CLRN1: variants seen among roughly 807,000 people sequenced by gnomAD.
CLRN1 encodes the protein clarin-1.
CLRN1 carries 15 observed loss-of-function variants against 18.7 expected under a neutral mutation model. The ratio of observed to expected loss-of-function variants is 0.80; its 90% confidence interval spans 0.54 to 1.23. The LOEUF is 1.23. Ranked by LOEUF, CLRN1 falls within the 50% of genes most tolerant of loss-of-function variation. The pLI is 0.00. For missense variants in CLRN1, 311 were observed against 277.5 expected, an observed-to-expected ratio of 1.12 and a Z score of -0.86; for synonymous variants, 104 against 102.9, an observed-to-expected ratio of 1.01 and a Z score of -0.07.
chr3:150,971,026 A>C (rs1488362934), intron 1 of CLRN1, among the ~76,000 whole-genome samples: 1 of 152,202 alleles, frequency 6.6e-6, no homozygotes, highest in Non-Finnish European at 1.5e-5. Flanking sequence ...GAAAATGTAA[A>C]GGCTCCAGAA....
intron 1 of CLRN1, among the ~76,000 whole-genome samples, chr3:150,963,698 T>G (rs1169033147): frequency 6.6e-6 from 1 of 152,190 alleles, no homozygotes; most frequent in South Asian, 2.1e-4. Context: ...AACAGCATGG[T>G]ACTTGTATCA....
intron 2 of CLRN1, among the ~76,000 whole-genome samples, chr3:150,939,929 T>C (rs1559981772): frequency 1.3e-5 from 2 of 152,198 alleles, no homozygotes; most frequent in African/African-American, 4.8e-5. Flanking sequence ...TGGCCTTTGT[T>C]TATGATATTC....
intron 1 of CLRN1, among the ~76,000 whole-genome samples, chr3:150,970,726 A>G (rs1295504563): frequency 6.6e-6 from 1 of 152,148 alleles, no homozygotes; most frequent in African/African-American, 2.4e-5. Context: ...AGCTAATGAA[A>G]TTCTGTGAGA....
intron 1 of CLRN1, among the ~76,000 whole-genome samples, chr3:150,970,090 C>T (rs1715460433): frequency 6.6e-6 from 1 of 152,196 alleles, no homozygotes; most frequent in Non-Finnish European, 1.5e-5. Context: ...GTAAGTTGAG[C>T]TCTGGAAGAA....
At chr3:150,953,296 G>A (rs574233443) in intron 1 of CLRN1, among the ~76,000 whole-genome samples, 2 of 152,226 alleles carry the variant, frequency 1.3e-5, no homozygotes, top group South Asian at 2.1e-4. Flanking sequence ...CCGATGCCAC[G>A]TTAGTAACAT....
At chr3:150,940,715 T>C (rs910151431) in intron 2 of CLRN1, among the ~76,000 whole-genome samples, 6 of 152,222 alleles carry the variant, frequency 3.9e-5, no homozygotes, top group African/African-American at 1.2e-4. Flanking sequence ...CAGCTACATA[T>C]AAATTATACA....
chr3:150,972,306 A>C, intron 1 of CLRN1, 150 bp downstream of exon 1: 1 of 853,602 alleles, frequency 1.2e-6, no homozygotes, highest in South Asian at 1.8e-5. Flanking sequence ...AGGAAGAAGA[A>C]ATTGCTCAGA....
At chr3:150,941,464 A>G in intron 2 of CLRN1, 118 bp downstream of exon 2, 1 of 1,032,136 alleles carries the variant, frequency 9.7e-7, no homozygotes, top group South Asian at 1.4e-5. Context: ...TATTATGTAT[A>G]ATACTACAGT....
chr3:150,934,056 C>T (rs1318154652), intron 2 of CLRN1, among the ~76,000 whole-genome samples: 1 of 152,106 alleles, frequency 6.6e-6, no homozygotes, highest in Non-Finnish European at 1.5e-5. Context: ...CTTTCTCGAA[C>T]TCCTGAAAAA....
chr3:150,956,312 G>C (rs1038189040), intron 1 of CLRN1, among the ~76,000 whole-genome samples: 1 of 152,114 alleles, frequency 6.6e-6, no homozygotes. Context: ...CCTCAAGAAC[G>C]TGAGTGGCAT....
intron 2 of CLRN1, among the ~76,000 whole-genome samples, chr3:150,940,320 C>T (rs1264934830): frequency 6.6e-6 from 1 of 152,130 alleles, no homozygotes; most frequent in Non-Finnish European, 1.5e-5. Context: ...TGGGGTGAGA[C>T]CCTAAGCAGT....
chr3:150,957,918 C>A (rs1468665916), intron 1 of CLRN1, among the ~76,000 whole-genome samples: 1 of 152,160 alleles, frequency 6.6e-6, no homozygotes, highest in African/African-American at 2.4e-5. Context: ...ACTGCAGCCT[C>A]CCAAAGTGCT....
At position 150,972,507 on chromosome 3, in the gene CLRN1, C is replaced by T. The variant is rs778986432; in HGVS notation, c.202G>A (p.Gly68Arg). ...MGEMQYGLFH[G>R]EGVRQCGLGA... ...AACCCACACTGCCTCACACCCTCTC[C>T]GTGGAAAAGCCCGTACTGCATTTCA... The change falls in exon 1 of 3, where the codon GGA (glycine) becomes AGA (arginine). Residue 68 changes from glycine to arginine, a missense_variant. By Grantham distance (125) the Gly-to-Arg change is moderately radical. Coordinates refer to ENST00000327047, the MANE Select transcript of CLRN1 (RefSeq NM_174878.3). 2 of 1,614,190 alleles carry T rather than the reference C, an allele frequency of 1.2e-6. No homozygotes were observed. Among genetic ancestry groups the T allele is most frequent in the African/African-American group, 1.3e-5 (1 of 75,052 alleles).
chr3:150,939,426 T>A (rs776669508), intron 2 of CLRN1, among the ~76,000 whole-genome samples: 83 of 152,206 alleles, frequency 5.5e-4, no homozygotes, highest in Non-Finnish European at 8.8e-4. Flanking sequence ...GGGTGGTAGC[T>A]GCTTTCTGAC....
At chr3:150,934,084 T>C (rs976570548) in intron 2 of CLRN1, among the ~76,000 whole-genome samples, 1 of 152,188 alleles carries the variant, frequency 6.6e-6, no homozygotes, top group Non-Finnish European at 1.5e-5. Flanking sequence ...TTCATAAGGA[T>C]TGGCGTAGAG....
At chr3:150,941,178 C>T (rs372034401) in intron 2 of CLRN1, among the ~76,000 whole-genome samples, 1 of 132,882 alleles carries the variant, frequency 7.5e-6, no homozygotes, top group African/African-American at 2.8e-5. Flanking sequence ...CTATCTCTTT[C>T]ATATATATAT....
In CLRN1 at chr3:150,926,851, C is replaced by T; in HGVS notation, c.*1085G>A. 2 of 1,614,038 alleles carry T rather than the reference C, an allele frequency of 1.2e-6. No individual in the cohort carries two copies. The highest frequency in any genetic ancestry group is 1.7e-4 in the Middle Eastern group (1 of 6,058). On this transcript the variant is annotated 3_prime_UTR_variant, in exon 3 of 3. Transcript: ENST00000327047. ...GGATGAAGGAAGGGTCAGTTCCAGG[C>T]TCAGCTGTGGCCTTTAGTCAGCTGC...
chr3:150,942,685 C>T lies in CLRN1; in HGVS notation c.254-924G>A, dbSNP rs768817332. On this transcript the variant is annotated intron_variant, in intron 1 of 2. Coordinates refer to ENST00000327047, the MANE Select transcript of CLRN1 (RefSeq NM_174878.3). ...ATTAGAAAGCAAACAAACAAATAAA[C>T]GTGATAGCTTATCTCCAAAAATGGC... The T allele has an allele frequency of 5.8e-5, 23 of 397,176 alleles. 1 individual carries two copies. The Middle Eastern group carries it at 1.4e-3, about 24-fold the overall frequency. 24.6% of individuals were successfully genotyped at this position (397,176 alleles called of 1,614,324 possible). A position where few individuals can be genotyped will look rare whatever the true frequency, so the allele number is the denominator to read the frequency against.
intron 1 of CLRN1, among the ~76,000 whole-genome samples, chr3:150,959,585 C>T (rs555779688): frequency 1.8e-4 from 26 of 144,564 alleles, no homozygotes; most frequent in Non-Finnish European, 3.1e-4. Flanking sequence ...GCCGAGATCA[C>T]ATCACTACCC....
Sources: gnomAD v4.1 joint callset for allele counts (sites outside exome capture counted in the v4.1 genomes callset) on GRCh38, gnomAD v4.1.1 for gene constraint, MANE v1.5 for transcripts, NCBI Gene and HGNC (gene_info 2026-07-23, HGNC 2026-07-21) for gene names.